The following LARP4B variants were observed in gnomAD, a reference collection of about 807,000 sequenced individuals.
The protein encoded by LARP4B is la-related protein 4B.
Under a neutral mutation model 89.8 loss-of-function variants are expected in LARP4B, and 12 were observed. The observed-to-expected ratio is 0.13, with a 90% confidence interval of 0.09 to 0.22. The LOEUF is 0.22. Among genes scored for constraint, LARP4B ranks in the 10% least tolerant of loss-of-function variants. LARP4B has a pLI of 1.00. For synonymous variants in LARP4B, 367 were observed against 363.3 expected (o/e 1.01, Z -0.12); for missense variants, 757 against 947.7 (o/e 0.80, Z 2.64).
intron 1 of LARP4B, among the ~76,000 whole-genome samples, chr10:917,336 C>A (rs1385174711): frequency 6.6e-6 from 1 of 152,172 alleles, no homozygotes; most frequent in Admixed American, 6.5e-5. Flanking sequence ...CCTTATTTCT[C>A]CAAAATGTAT....
the LARP4B span, among the ~76,000 whole-genome samples, chr10:954,602 G>A: frequency 6.6e-6 from 1 of 152,236 alleles, no homozygotes; most frequent in Non-Finnish European, 1.5e-5. This position sits in a 1 kb window ranked among gnomAD's most constrained non-coding sequence, Gnocchi z 5.0. Flanking sequence ...GTGGAGTCAC[G>A]GGACCGAGAG....
chr10:859,039 C>A (rs757460032), intron 5 of LARP4B, among the ~76,000 whole-genome samples: 1 of 152,128 alleles, frequency 6.6e-6, no homozygotes, highest in Non-Finnish European at 1.5e-5. Context: ...GTAATCCCAG[C>A]ACTTTGGGAG....
At chr10:945,691 A>T in the LARP4B span, among the ~76,000 whole-genome samples, 2 of 150,486 alleles carry the variant, frequency 1.3e-5, no homozygotes, top group Non-Finnish European at 3.0e-5. Flanking sequence ...CCGTCTCAGA[A>T]AAAAAAAAAA....
intron 1 of LARP4B, among the ~76,000 whole-genome samples, chr10:894,143 G>A (rs373413866): frequency 2.6e-4 from 40 of 152,320 alleles, no homozygotes; most frequent in Admixed American, 7.8e-4. Context: ...AAATGGTTAA[G>A]TGAGACATTG....
At chr10:829,253 C>T in intron 11 of LARP4B, 132 bp downstream of exon 11, 1 of 757,868 alleles carries the variant, frequency 1.3e-6, no homozygotes, top group Non-Finnish European at 2.1e-6. Flanking sequence ...AAATCCCCCA[C>T]ATAACTTGAA....
chr10:846,354 T>C (rs1206522978), intron 5 of LARP4B, among the ~76,000 whole-genome samples: 2 of 151,992 alleles, frequency 1.3e-5, no homozygotes, highest in African/African-American at 4.8e-5. Context: ...AAACGGACAC[T>C]GAGGAAACAA....
At chr10:911,441 G>A (rs1836661897) in intron 1 of LARP4B, among the ~76,000 whole-genome samples, 1 of 152,122 alleles carries the variant, frequency 6.6e-6, no homozygotes, top group Non-Finnish European at 1.5e-5. Flanking sequence ...CTTAAAATGT[G>A]TTTGATCCCT....
At chr10:807,496 G>T (rs927041127), downstream of LARP4B, 1 of 152,436 alleles carries the variant, frequency 6.6e-6, no homozygotes, top group African/African-American at 2.4e-5. Flanking sequence ...GACGCTCACT[G>T]ATCTGCCCCA....
rs142835341 is a variant in LARP4B at position 891,967 on chromosome 10, C to G, written c.-39-6207G>C. ...TCAATAAATAACAAATATTTTGTTACTGGTTCAAGAGACCTAAAATATTTT... is the reference window on the plus strand; with the variant it reads ...TCAATAAATAACAAATATTTTGTTAGTGGTTCAAGAGACCTAAAATATTTT... On this transcript the variant is annotated intron_variant, in intron 1 of 17. Transcript: ENST00000316157. Among the ~76,000 whole-genome samples, 542 of 152,300 alleles carry G rather than the reference C, an allele frequency of 3.6e-3. 4 individuals are homozygous for G. The highest frequency in any genetic ancestry group is 0.012 in the African/African-American group (484 of 41,560).
rs1467511197 is a variant in LARP4B at position 812,712 on chromosome 10, A to T, written c.*214T>A. 5.6e-5 allele frequency: 22 copies of T among 392,620 alleles called. No homozygotes were observed. In the East Asian group the frequency reaches 8.2e-4, roughly 15 times the overall value. The allele number at this position is 392,620 out of a possible 1,614,324, so 24.3% of individuals were successfully genotyped here. On this transcript the variant is annotated 3_prime_UTR_variant, in exon 18 of 18. Transcript: ENST00000316157. ...TATGCATCACCTCCAGTTAAGCACC[A>T]ACCTAAAATAAGGTTTGTATTAATT...
intron 1 of LARP4B, among the ~76,000 whole-genome samples, chr10:896,122 C>A (rs1564435658): frequency 6.6e-6 from 1 of 152,176 alleles, no homozygotes; most frequent in Non-Finnish European, 1.5e-5. Flanking sequence ...ATTCAGTGAG[C>A]AAATTTTCTT....
chr10:861,593 C>T (rs181474871), intron 5 of LARP4B, among the ~76,000 whole-genome samples: 5 of 152,280 alleles, frequency 3.3e-5, no homozygotes, highest in Admixed American at 3.3e-4. Flanking sequence ...TGTTATTTCA[C>T]TTTTGATAAT....
At chr10:894,116 C>T (rs895159513) in intron 1 of LARP4B, among the ~76,000 whole-genome samples, 2 of 152,048 alleles carry the variant, frequency 1.3e-5, no homozygotes, top group Non-Finnish European at 2.9e-5. Context: ...AAGTGAAGAA[C>T]GTGATGGGAG....
the LARP4B span, among the ~76,000 whole-genome samples, chr10:979,879 G>C: frequency 6.6e-6 from 1 of 152,200 alleles, no homozygotes; most frequent in Non-Finnish European, 1.5e-5. Flanking sequence ...GCTGAGGCAG[G>C]AGAATGGTGT....
the LARP4B span, among the ~76,000 whole-genome samples, chr10:956,370 G>C: frequency 6.6e-6 from 1 of 151,246 alleles, no homozygotes. The surrounding 1 kb of genome is among the most constrained non-coding windows in gnomAD (Gnocchi z 4.3). Flanking sequence ...TTTTGAGACA[G>C]AGTCTCACTG....
intron 3 of LARP4B, among the ~76,000 whole-genome samples, chr10:883,676 G>A (rs1013077781): frequency 4.0e-5 from 6 of 151,478 alleles, no homozygotes; most frequent in Non-Finnish European, 8.8e-5. Flanking sequence ...GCTCACGCCT[G>A]TAATCCTAGC....
intron 1 of LARP4B, among the ~76,000 whole-genome samples, chr10:890,383 C>T (rs1394642575): frequency 4.6e-5 from 7 of 152,022 alleles, no homozygotes; most frequent in East Asian, 1.9e-4. Flanking sequence ...GAAATAAATA[C>T]GGGATGTATG....
intron 7 of LARP4B, among the ~76,000 whole-genome samples, chr10:837,986 G>A (rs1028077074): frequency 1.3e-5 from 2 of 151,702 alleles, no homozygotes; most frequent in African/African-American, 2.4e-5. Flanking sequence ...TGTAAATCAC[G>A]TGTAATACAT....
intron 5 of LARP4B, among the ~76,000 whole-genome samples, chr10:858,144 A>G (rs1351933518): frequency 6.6e-6 from 1 of 152,202 alleles, no homozygotes; most frequent in African/African-American, 2.4e-5. Context: ...GCTCCTCTAT[A>G]TTCTTGTAGG....
Sources: allele counts gnomAD v4.1 joint callset (sites outside exome capture counted in the v4.1 genomes callset), GRCh38; gene constraint gnomAD v4.1.1; non-coding constraint Gnocchi (gnomAD v3.1); transcripts MANE v1.5; gene names NCBI Gene and HGNC (gene_info 2026-07-23, HGNC 2026-07-21).